PRICKLE2: variants seen among roughly 807,000 people sequenced by gnomAD.
PRICKLE2 encodes the protein prickle-like protein 2.
In PRICKLE2, 21 loss-of-function variants were observed where a neutral mutation model predicts 81.4. That is an observed-to-expected ratio of 0.26 (90% confidence interval 0.18 to 0.37). PRICKLE2 has a LOEUF of 0.37. PRICKLE2 is among the 10% of genes least tolerant of loss of function. The pLI is 1.00. For synonymous variants in PRICKLE2, 456 were observed against 421.5 expected, an observed-to-expected ratio of 1.08 and a Z score of -1.00; for missense variants, 940 against 1,109.0, an observed-to-expected ratio of 0.85 and a Z score of 2.16.
At chr3:64,186,990 T>C (rs1233619816) in intron 2 of PRICKLE2, among the ~76,000 whole-genome samples, 1 of 152,154 alleles carries the variant, frequency 6.6e-6, no homozygotes, top group Non-Finnish European at 1.5e-5. Flanking sequence ...CAGAGTGAAT[T>C]TACTGTAAAG....
upstream of PRICKLE2, among the ~76,000 whole-genome samples, chr3:64,227,971 G>A (rs2079052301): frequency 6.6e-6 from 1 of 152,160 alleles, no homozygotes; most frequent in Non-Finnish European, 1.5e-5. Flanking sequence ...GTGAGCCACT[G>A]ATATGCCATT....
intron 7 of PRICKLE2, among the ~76,000 whole-genome samples, chr3:64,128,605 G>C (rs780075772): frequency 1.3e-5 from 2 of 151,984 alleles, no homozygotes; most frequent in Non-Finnish European, 2.9e-5. Context: ...AAATTAGCCG[G>C]GTGTGGTGGT....
intron 1 of PRICKLE2, among the ~76,000 whole-genome samples, chr3:64,202,645 C>CGTGTGCGTGTGT: frequency 6.7e-6 from 1 of 149,434 alleles, no homozygotes; most frequent in Non-Finnish European, 1.5e-5. Context: ...TACTTGTGTG[C>CGTGTGCGTGTGT]GTGTGTGTGT....
At chr3:64,131,855 A>G (rs1209641393) in intron 7 of PRICKLE2, among the ~76,000 whole-genome samples, 3 of 150,840 alleles carry the variant, frequency 2.0e-5, no homozygotes, top group Non-Finnish European at 3.0e-5. Context: ...GACTTTTTCT[A>G]CTTTAAGACA....
At chr3:64,121,392 C>T (rs540320125) in intron 7 of PRICKLE2, among the ~76,000 whole-genome samples, 13 of 152,188 alleles carry the variant, frequency 8.5e-5, no homozygotes, top group Admixed American at 4.6e-4. Context: ...CCTTCTCTAC[C>T]CAGCCCCACC....
chr3:64,130,241 T>G (rs1181444601), intron 7 of PRICKLE2, among the ~76,000 whole-genome samples: 1 of 147,978 alleles, frequency 6.8e-6, no homozygotes, highest in Non-Finnish European at 1.5e-5. Flanking sequence ...GTATTCCACA[T>G]CTCTGTTGAT....
At chr3:64,125,103 A>C (rs968149504) in intron 7 of PRICKLE2, among the ~76,000 whole-genome samples, 2 of 152,206 alleles carry the variant, frequency 1.3e-5, no homozygotes, top group Non-Finnish European at 2.9e-5. Flanking sequence ...TCTAACCCTC[A>C]TGGATAACTT....
chr3:64,191,867 G>A (rs577192762), intron 2 of PRICKLE2, among the ~76,000 whole-genome samples: 20 of 152,242 alleles, frequency 1.3e-4, no homozygotes, highest in Admixed American at 7.2e-4. Flanking sequence ...CCCGAGATTC[G>A]GATGGGGACA....
At chr3:64,267,555 T>A (rs2079729876) in intron 2 of PRICKLE2, among the ~76,000 whole-genome samples, 1 of 151,056 alleles carries the variant, frequency 6.6e-6, no homozygotes, top group African/African-American at 2.4e-5. Context: ...GGAAAATGAA[T>A]TCTAAGAGAA....
At chr3:64,221,581 C>T (rs1240586302) in intron 1 of PRICKLE2, among the ~76,000 whole-genome samples, 2 of 152,122 alleles carry the variant, frequency 1.3e-5, no homozygotes, top group East Asian at 1.9e-4. Context: ...AATATCTCAT[C>T]CTCAAGCTTC....
chr3:64,203,637 G>C (rs968207368), intron 1 of PRICKLE2, among the ~76,000 whole-genome samples: 1 of 152,076 alleles, frequency 6.6e-6, no homozygotes, highest in African/African-American at 2.4e-5. Context: ...GAGGAGTGCA[G>C]AATCAGATCC....
At chr3:64,157,791 GA>G (rs2077661956) in intron 4 of PRICKLE2, among the ~76,000 whole-genome samples, 1 of 152,140 alleles carries the variant, frequency 6.6e-6, no homozygotes, top group Non-Finnish European at 1.5e-5. Flanking sequence ...ACGGGGCTTG[GA>G]GGAGGTGGGA....
At chr3:64,116,784 T>A (rs1429033254) in intron 7 of PRICKLE2, among the ~76,000 whole-genome samples, 1 of 152,134 alleles carries the variant, frequency 6.6e-6, no homozygotes, top group Non-Finnish European at 1.5e-5. Context: ...AGAGCTGGTA[T>A]CATTCCTACT....
At chr3:64,224,345 C>T (rs1351705426) in intron 1 of PRICKLE2, among the ~76,000 whole-genome samples, 1 of 152,144 alleles carries the variant, frequency 6.6e-6, no homozygotes, top group African/African-American at 2.4e-5. Flanking sequence ...ATGATCACTC[C>T]CTCAAGAAAC....
chr3:64,100,550 G>A (rs1329507674), intron 7 of PRICKLE2: 2 of 153,338 alleles, frequency 1.3e-5, no homozygotes, highest in Non-Finnish European at 2.9e-5. Flanking sequence ...ACCATTCAGT[G>A]AATGCTCCAA....
chr3:64,207,942 T>G (rs2078718740), intron 1 of PRICKLE2, among the ~76,000 whole-genome samples: 1 of 152,124 alleles, frequency 6.6e-6, no homozygotes, highest in Admixed American at 6.5e-5. Flanking sequence ...CAGGAGGAGC[T>G]GGGCAGCGGC....
chr3:64,166,008 G>GTGTGTGTGTT (rs1559552065), intron 2 of PRICKLE2, among the ~76,000 whole-genome samples: 3 of 56,450 alleles, frequency 5.3e-5, no homozygotes, highest in African/African-American at 1.1e-4. Flanking sequence ...GTGTGTGTGT[G>GTGTGTGTGTT]TGTGTGTTTT....
At chr3:64,204,658 A>G (rs2078649625) in intron 1 of PRICKLE2, among the ~76,000 whole-genome samples, 1 of 152,160 alleles carries the variant, frequency 6.6e-6, no homozygotes, top group East Asian at 1.9e-4. Flanking sequence ...AAAACCCTAA[A>G]TAGTAACTCA....
intron 7 of PRICKLE2, among the ~76,000 whole-genome samples, chr3:64,120,660 G>A (rs2077010472): frequency 6.6e-6 from 1 of 152,214 alleles, no homozygotes; most frequent in African/African-American, 2.4e-5. Flanking sequence ...ATTTGGAACA[G>A]CAAAGGGTCT....
Sources: allele counts gnomAD v4.1 joint callset (sites outside exome capture counted in the v4.1 genomes callset), GRCh38; gene constraint gnomAD v4.1.1; transcripts MANE v1.5; gene names NCBI Gene and HGNC (gene_info 2026-07-23, HGNC 2026-07-21).